Variants in PTGER3 observed in about 807,000 individuals in gnomAD.
PTGER3 encodes the protein prostaglandin E2 receptor EP3 subtype.
PTGER3 carries 22 observed loss-of-function variants against 34.7 expected under a neutral mutation model. That is an observed-to-expected ratio of 0.63 (90% CI 0.45 to 0.91). The LOEUF (loss-of-function observed/expected upper bound fraction) is 0.91. Ranked by LOEUF, PTGER3 falls within the 40% of genes least tolerant of loss-of-function variation. PTGER3 has a pLI of 0.00. For missense variants in PTGER3, 468 were observed against 519.4 expected (o/e 0.90, Z 0.96); for synonymous variants, 241 against 230.1 (o/e 1.05, Z -0.43).
intron 4 of PTGER3, among the ~76,000 whole-genome samples, chr1:70,930,970 C>T (rs1280449290): frequency 6.6e-6 from 1 of 152,136 alleles, no homozygotes; most frequent in Non-Finnish European, 1.5e-5. Flanking sequence ...TCCAAAGTCT[C>T]ATCTAAGACA....
intron 4 of PTGER3, among the ~76,000 whole-genome samples, chr1:70,917,403 T>TTGTGTGTGTG (rs59163586): frequency 0.043 from 5,897 of 136,278 alleles, 208 homozygotes; most frequent in Middle Eastern, 0.09. Context: ...GTATTTTATT[T>TTGTGTGTGTG]TGTGTGTGTG....
chr1:70,996,921 A>C (rs868704038), intron 2 of PTGER3, among the ~76,000 whole-genome samples: 29 of 152,176 alleles, frequency 1.9e-4, no homozygotes, highest in Non-Finnish European at 3.4e-4. Context: ...CTTGGCCTCC[A>C]AAAGTGCTGG....
chr1:70,898,209 T>C (rs1646763657), intron 4 of PTGER3, among the ~76,000 whole-genome samples: 1 of 152,214 alleles, frequency 6.6e-6, no homozygotes, highest in African/African-American at 2.4e-5. Flanking sequence ...ACATCCCTGC[T>C]GGGCAACCCA....
chr1:70,883,642 G>A (rs528352496), intron 4 of PTGER3, among the ~76,000 whole-genome samples: 9 of 152,228 alleles, frequency 5.9e-5, no homozygotes, highest in South Asian at 2.1e-4. Flanking sequence ...ATTATAAAAC[G>A]TCCAATTTTC....
chr1:70,863,965 T>A (rs1009608035), intron 4 of PTGER3, among the ~76,000 whole-genome samples: 1 of 152,168 alleles, frequency 6.6e-6, no homozygotes, highest in African/African-American at 2.4e-5. Flanking sequence ...TGGAAGGTTC[T>A]TGAGCAGGGA....
chr1:70,863,596 G>A (rs1032495562), intron 4 of PTGER3, among the ~76,000 whole-genome samples: 2 of 152,162 alleles, frequency 1.3e-5, no homozygotes, highest in Admixed American at 6.5e-5. Context: ...AATCACTTAT[G>A]TGGCTTACAT....
chr1:70,952,033 C>A (rs368475092), downstream of PTGER3, among the ~76,000 whole-genome samples: 21 of 152,062 alleles, frequency 1.4e-4, no homozygotes, highest in African/African-American at 4.8e-4. Context: ...GTGCAAAGAA[C>A]CTGGGGCAGG....
intron 2 of PTGER3, among the ~76,000 whole-genome samples, chr1:70,957,900 T>A (rs572010247): frequency 6.6e-6 from 1 of 152,260 alleles, no homozygotes; most frequent in African/African-American, 2.4e-5. Flanking sequence ...GAAATCAATG[T>A]TTTTAGATTT....
chr1:71,041,331 C>T (rs553842668), intron 1 of PTGER3, among the ~76,000 whole-genome samples: 5 of 152,272 alleles, frequency 3.3e-5, no homozygotes, highest in Non-Finnish European at 7.3e-5. Flanking sequence ...CTTGTGTTTG[C>T]GTGGCTGACT....
downstream of PTGER3, among the ~76,000 whole-genome samples, chr1:70,966,635 T>G (rs896167956): frequency 2.7e-4 from 41 of 151,962 alleles, no homozygotes; most frequent in African/African-American, 9.9e-4. Context: ...GTGTGTGTTG[T>G]TTCCTTCTCT....
rs1340719227 is a variant in PTGER3 at position 71,047,627 on chromosome 1, G to C, written c.-50C>G. 2 of 1,459,870 alleles carry C rather than the reference G, an allele frequency of 1.4e-6. No homozygotes were observed. Among genetic ancestry groups the C allele is most frequent in the African/African-American group, 2.9e-5 (2 of 70,166 alleles). 90.4% of individuals were successfully genotyped at this position (1,459,870 alleles called of 1,614,324 possible). On this transcript the variant is annotated 5_prime_UTR_variant, in exon 1 of 4. Coordinates refer to ENST00000306666, the MANE Select transcript of PTGER3 (RefSeq NM_198719.2). Reference sequence around the variant, plus strand: ...TGGCGTCCAGAGAGCCGCAGCGGGAGGGGGCAGACGCGGCGCGGGCGGCGG... The same window carrying C: ...TGGCGTCCAGAGAGCCGCAGCGGGACGGGGCAGACGCGGCGCGGGCGGCGG...
At chr1:70,892,051 T>C (rs1421866661) in intron 4 of PTGER3, among the ~76,000 whole-genome samples, 1 of 152,214 alleles carries the variant, frequency 6.6e-6, no homozygotes, top group South Asian at 2.1e-4. Context: ...GCTACTTACC[T>C]CTTTATAATT....
intron 4 of PTGER3, chr1:70,886,192 G>A: frequency 2.7e-6 from 1 of 369,020 alleles, no homozygotes; most frequent in Non-Finnish European, 5.6e-6. Flanking sequence ...AGACAAGAGA[G>A]AGCTTGCTTC....
At chr1:70,864,505 A>G (rs1645998400) in intron 4 of PTGER3, among the ~76,000 whole-genome samples, 1 of 152,192 alleles carries the variant, frequency 6.6e-6, no homozygotes, top group African/African-American at 2.4e-5. Flanking sequence ...TCAGGGATTT[A>G]CTGGGTCTTA....
intron 1 of PTGER3, among the ~76,000 whole-genome samples, chr1:71,043,548 T>G (rs779109855): frequency 2.0e-5 from 3 of 152,198 alleles, no homozygotes; most frequent in Non-Finnish European, 4.4e-5. Context: ...CTCAGGGTCC[T>G]TTCAAGTAAG....
chr1:70,966,796 T>G (rs553567276), downstream of PTGER3, among the ~76,000 whole-genome samples: 1 of 152,304 alleles, frequency 6.6e-6, no homozygotes, highest in African/African-American at 2.4e-5. Flanking sequence ...CTTTTATGAC[T>G]GCATAGTATT....
At chr1:70,963,063 C>T (rs1042991197) in intron 2 of PTGER3, among the ~76,000 whole-genome samples, 2 of 152,162 alleles carry the variant, frequency 1.3e-5, no homozygotes, top group Non-Finnish European at 2.9e-5. Flanking sequence ...AGGCCCCACC[C>T]AATTATGAAT....
At chr1:71,012,921 G>C (rs529813188) in intron 1 of PTGER3, among the ~76,000 whole-genome samples, 83 of 53,450 alleles carry the variant, frequency 1.6e-3, no homozygotes, top group African/African-American at 7.6e-3. Context: ...CAAGAAAGGA[G>C]GAAATATTAT....
intron 1 of PTGER3, among the ~76,000 whole-genome samples, chr1:71,038,957 T>G (rs923466959): frequency 2.0e-5 from 3 of 152,208 alleles, no homozygotes; most frequent in African/African-American, 7.2e-5. Flanking sequence ...GATGCACAAT[T>G]AGTTCAACTC....
Sources: gnomAD v4.1 joint callset for allele counts (sites outside exome capture counted in the v4.1 genomes callset) on GRCh38, gnomAD v4.1.1 for gene constraint, MANE v1.5 for transcripts, NCBI Gene and HGNC (gene_info 2026-07-23, HGNC 2026-07-21) for gene names.